The following SZT2 variants were observed in gnomAD, a reference collection of about 807,000 sequenced individuals.
SZT2 encodes the protein KICSTOR complex protein SZT2.
SZT2 carries 216 observed loss-of-function variants against 404.2 expected under a neutral mutation model. The ratio of observed to expected loss-of-function variants is 0.53; its 90% CI spans 0.48 to 0.60. The LOEUF (loss-of-function observed/expected upper bound fraction) is 0.60. Ranked by LOEUF, SZT2 falls within the 20% of genes least tolerant of loss-of-function variation. The probability of loss-of-function intolerance (pLI) is 0.00; values close to 1 mark genes in which losing one functional copy is unlikely to be tolerated. For synonymous variants in SZT2, 1,693 were observed against 1,749.9 expected (o/e 0.97, Z 0.81); for missense variants, 3,857 against 4,459.2 (o/e 0.86, Z 3.85).
intron 1 of SZT2, among the ~76,000 whole-genome samples, chr1:43,398,993 T>A (rs1649331840): frequency 2.0e-5 from 3 of 151,740 alleles, no homozygotes; most frequent in Admixed American, 2.0e-4. Context: ...GGTGGGAGAA[T>A]CGCTTGAACT....
chr1:43,440,166 T>A, intron 51 of SZT2, 118 bp downstream of exon 51: 2 of 1,369,458 alleles, frequency 1.5e-6, no homozygotes, highest in Non-Finnish European at 2.0e-6. Context: ...AACTACTACA[T>A]CAGAACCACT....
At chr1:43,414,961 C>T (rs994956069) in intron 4 of SZT2, 121 bp from the exon 5 acceptor site, 15 of 1,303,690 alleles carry the variant, frequency 1.2e-5, no homozygotes, top group Non-Finnish European at 1.5e-5. Flanking sequence ...ATACCTTAGA[C>T]CCTGGTTGGG....
chr1:43,416,408 C>T (rs1651727126), intron 6 of SZT2, 127 bp from the exon 7 acceptor site: 3 of 753,504 alleles, frequency 4.0e-6, no homozygotes, highest in Non-Finnish European at 6.4e-6. Flanking sequence ...TAAAACTTCA[C>T]AGTTTATGAA....
At position 43,453,385 on chromosome 1, in the gene SZT2, C is replaced by A; in HGVS notation, c.*2905C>A. 6.5e-7 allele frequency: 1 copy of A among 1,546,980 alleles called. No homozygotes were observed. The highest frequency in any genetic ancestry group is 8.7e-7 in the Non-Finnish European group (1 of 1,143,166). ...GGTGGGGGTGGGGTGGAGCGGGGTA[C>A]CTGGGACAGCCCAGGGCTTTGGCAT... On this transcript the variant is annotated 3_prime_UTR_variant, in exon 72 of 72. Coordinates refer to ENST00000634258, the MANE Select transcript of SZT2 (RefSeq NM_001365999.1).
chr1:43,452,120 C>T lies in SZT2; in HGVS notation c.*1640C>T, dbSNP rs879087640. 1.3e-6 allele frequency: 2 copies of T among 1,491,994 alleles called. No individual in the cohort carries two copies. Among genetic ancestry groups the T allele is most frequent in the South Asian group, 2.3e-5 (2 of 85,706 alleles). The allele number at this position is 1,491,994 out of a possible 1,614,324, so 92.4% of individuals were successfully genotyped here. On this transcript the variant is annotated 3_prime_UTR_variant, in exon 72 of 72. Coordinates refer to ENST00000634258, the MANE Select transcript of SZT2 (RefSeq NM_001365999.1). ...CTGTTCCTCTGACCTAGGCTGGCAG[C>T]CTCACGTGCTGTCCCCACTGTGCAC...
intron 4 of SZT2, chr1:43,412,236 C>A (rs1479432395): frequency 6.6e-6 from 1 of 152,298 alleles, no homozygotes; most frequent in East Asian, 1.9e-4. Flanking sequence ...GAAATACTCA[C>A]AATAGGCTGT....
chr1:43,432,627 G>A, intron 38 of SZT2, 23 bp downstream of exon 38: 1 of 1,613,708 alleles, frequency 6.2e-7, no homozygotes, highest in Non-Finnish European at 8.5e-7. Flanking sequence ...TTGGGCAGCA[G>A]TCTGGAGGCC....
Position 43,425,193 on chromosome 1 carries a change from C to T in SZT2, c.2631C>T (p.Thr877=), listed in dbSNP as rs140831372. ...VQYILFPPHS[T]STKDSFSTDD... ...ACATCCTCTTCCCCCCACACTCTACCTCCACCAAAGACAGGTGAGACAGGC... is the reference window on the plus strand; with the variant it reads ...ACATCCTCTTCCCCCCACACTCTACTTCCACCAAAGACAGGTGAGACAGGC... The change falls in exon 18 of 72, where the codon ACC becomes ACT. Residue 877 remains threonine (T), a synonymous_variant. Transcript: ENST00000634258. This position sits in a 1 kb window ranked among gnomAD's most constrained non-coding sequence, Gnocchi z 4.3. 9.0e-3 allele frequency: 14,490 copies of T among 1,614,192 alleles called. 88 individuals carry two copies. The highest frequency in any genetic ancestry group is 0.014 in the Admixed American group (842 of 60,030).
Position 43,437,857 on chromosome 1 carries a change from G to T in SZT2, c.6463G>T (p.Val2155Leu), listed in dbSNP as rs1654630516. The stretch of plus-strand genomic sequence containing the variant: ...AGATGCTGCTCGTCCTGTGGGCCAA[G>T]TGGACAGACATATCCAGCTGCTGGT... ...SSDAARPVGQ[V>L]DRHIQLLVHG... The change falls in exon 46 of 72, where the codon GTG becomes TTG. Residue 2155 changes from valine to leucine, a missense_variant. This residue lies in a region of SZT2 where 261 missense variants were observed against 372.9 expected (regional missense o/e 0.70). Transcript: ENST00000634258. The surrounding 1 kb of genome is among the most constrained non-coding windows in gnomAD (Gnocchi z 5.3). 6.2e-7 allele frequency: 1 copy of T among 1,614,226 alleles called. No homozygotes were observed. Among genetic ancestry groups the T allele is most frequent in the Non-Finnish European group, 8.5e-7 (1 of 1,180,044 alleles).
At position 43,434,397 on chromosome 1, in the gene SZT2, G is replaced by T; in HGVS notation, c.5816G>T (p.Arg1939Leu). 6.3e-7 allele frequency: 1 copy of T among 1,594,262 alleles called. No individual in the cohort carries two copies. ...TCCTTCCTTCCCAGGAGCCTGATTCGGGAGGATGGGGGGCCGGGCACTGAG... is the reference window on the plus strand; with the variant it reads ...TCCTTCCTTCCCAGGAGCCTGATTCTGGAGGATGGGGGGCCGGGCACTGAG... ...EVYAHARSLI[R>L]EDGGPGTECR... is the part of the protein sequence containing the mutation. Residue 1939 changes from arginine (R) to leucine (L), a missense_variant, in exon 41 of 72, where the codon CGG becomes CTG. Around this residue, in one of 7 missense-constraint regions of SZT2, gnomAD observed 1,725 missense variants for 1,881.0 expected, o/e 0.92. Coordinates refer to ENST00000634258, the MANE Select transcript of SZT2 (RefSeq NM_001365999.1).
chr1:43,430,277 T>G, intron 30 of SZT2, 34 bp from the exon 31 acceptor site: 1 of 1,611,808 alleles, frequency 6.2e-7, no homozygotes, highest in Non-Finnish European at 8.5e-7. Flanking sequence ...AGTGGGATTC[T>G]TGCCTCATCA....
rs1655253885 is a variant in SZT2 at position 43,443,106 on chromosome 1, C to T, written c.8419+20C>T. ...GCAGAGGTGAGGGTACTGGGCCAGG[C>T]AGCAGGGACAGGAAATCTGTGGAGT... is the stretch of plus-strand genomic sequence containing the variant. On this transcript the variant is annotated intron_variant, in intron 59 of 71. Transcript: ENST00000634258. 1 of 1,611,374 alleles carries T rather than the reference C, an allele frequency of 6.2e-7. No homozygotes were observed. The highest frequency in any genetic ancestry group is 1.3e-5 in the African/African-American group (1 of 75,002).
rs1158292616 is a variant in SZT2 at position 43,426,718 on chromosome 1, C to T, written c.3218C>T (p.Ala1073Val). ...VLRRTCHVPG[A>V]EGPLLGVHGI... ...CCCATCTCTACCCCCATTGTAGGTG[C>T]CGAGGGGCCACTGCTGGGGGTTCAT... The change falls in exon 23 of 72, where the codon GCC becomes GTC. Residue 1073 changes from alanine (A) to valine (V), a missense_variant. Physicochemically the swap from Ala to Val is moderately conservative, Grantham distance 64. Coordinates refer to ENST00000634258, the MANE Select transcript of SZT2 (RefSeq NM_001365999.1). This position sits in a 1 kb window ranked among gnomAD's most constrained non-coding sequence, Gnocchi z 4.9. The T allele has an allele frequency of 1.2e-6, 2 of 1,608,640 alleles. No individual in the cohort carries two copies. The highest frequency in any genetic ancestry group is 2.2e-5 in the East Asian group (1 of 44,746).
At chr1:43,447,315 G>A in intron 66 of SZT2, 147 bp downstream of exon 66, 1 of 1,128,892 alleles carries the variant, frequency 8.9e-7, no homozygotes, top group Non-Finnish European at 1.2e-6. Context: ...CCATGTTTCT[G>A]TCCTGTGTCT....
chr1:43,391,751 A>G (rs1464139393), intron 1 of SZT2, among the ~76,000 whole-genome samples: 2 of 152,252 alleles, frequency 1.3e-5, no homozygotes, highest in Admixed American at 1.3e-4. Context: ...AAAGCAAGCC[A>G]CATGTGTAAT....
chr1:43,428,116 G>A lies in SZT2; in HGVS notation c.3917G>A (p.Arg1306His), dbSNP rs749624486. ...GAGCATGCACAGCGGTGCTATGTCCGTGGTGAGCAGGAGGGCCGTGGGAGG... is the reference window on the plus strand; with the variant it reads ...GAGCATGCACAGCGGTGCTATGTCCATGGTGAGCAGGAGGGCCGTGGGAGG... ...LQEHAQRCYVRGLFRSLQQAQ... is the reference protein window; with the variant it reads ...LQEHAQRCYVHGLFRSLQQAQ... Residue 1306 changes from arginine to histidine, a missense_variant and splice_region_variant, in exon 27 of 72, where the codon CGT becomes CAT. Around this residue, in one of 7 missense-constraint regions of SZT2, gnomAD observed 1,725 missense variants for 1,881.0 expected, o/e 0.92. Transcript: ENST00000634258. 1.9e-5 allele frequency: 31 copies of A among 1,613,582 alleles called. No individual in the cohort carries two copies. The highest frequency in any genetic ancestry group is 1.6e-4 in the Middle Eastern group (1 of 6,080).
Position 43,452,293 on chromosome 1 carries a change from G to T in SZT2, c.*1813G>T, listed in dbSNP as rs1656526255. On this transcript the variant is annotated 3_prime_UTR_variant, in exon 72 of 72. Coordinates refer to ENST00000634258, the MANE Select transcript of SZT2 (RefSeq NM_001365999.1). ...GACTGCTATTCGATCAGCTCCCTGG[G>T]GTACTCGGCCAGCCATCAGGTGGAT... 3 of 1,613,896 alleles carry T rather than the reference G, an allele frequency of 1.9e-6. No homozygotes were observed. The African/African-American group carries it at 4.0e-5, about 22-fold the overall frequency.
chr1:43,414,309 G>T (rs1230924147), intron 4 of SZT2, among the ~76,000 whole-genome samples: 1 of 152,020 alleles, frequency 6.6e-6, no homozygotes, highest in Non-Finnish European at 1.5e-5. Flanking sequence ...AAAAAAACTT[G>T]AAGTGGTGGA....
chr1:43,415,819 G>A, intron 5 of SZT2, 141 bp from the exon 6 acceptor site: 1 of 968,996 alleles, frequency 1.0e-6, no homozygotes, highest in Non-Finnish European at 1.5e-6. Context: ...TCAAGACTCA[G>A]CCGCATAGTA....
Sources: gnomAD v4.1 joint callset for allele counts (sites outside exome capture counted in the v4.1 genomes callset) on GRCh38, gnomAD v4.1.1 for gene constraint, gnomAD v4.1.1 regional missense constraint, Gnocchi (gnomAD v3.1) non-coding constraint, MANE v1.5 for transcripts, NCBI Gene and HGNC (gene_info 2026-07-23, HGNC 2026-07-21) for gene names.